The following DCC variants were observed in gnomAD, a reference collection of about 807,000 sequenced individuals.
DCC encodes netrin receptor DCC.
A neutral mutation model predicts 172.5 loss-of-function variants in DCC; 58 were observed. The ratio of observed to expected loss-of-function variants is 0.34; its 90% CI spans 0.27 to 0.42. The LOEUF is 0.42. Ranked by LOEUF, DCC falls within the 10% of genes least tolerant of loss-of-function variation. DCC has a pLI of 1.00. For missense variants in DCC, 1,740 were observed against 1,791.0 expected (o/e 0.97, Z 0.51); for synonymous variants, 709 against 644.5 (o/e 1.10, Z -1.52).
intron 2 of DCC, chr18:52,817,010 C>T (rs2038313102): frequency 6.6e-6 from 1 of 152,052 alleles, no homozygotes; most frequent in Admixed American, 6.6e-5. Context: ...TGTAGTTTAG[C>T]TACACTTAAA....
chr18:52,804,036 G>T (rs2038041989), intron 2 of DCC, among the ~76,000 whole-genome samples: 1 of 152,150 alleles, frequency 6.6e-6, no homozygotes, highest in African/African-American at 2.4e-5. Flanking sequence ...GATGTGTGTG[G>T]GTGCCAGTGG....
intron 12 of DCC, among the ~76,000 whole-genome samples, chr18:53,256,150 C>T (rs2056509836): frequency 6.6e-6 from 1 of 151,910 alleles, no homozygotes; most frequent in African/African-American, 2.4e-5. Context: ...AAATTTTCTT[C>T]CATTCTGTAG....
chr18:53,507,875 T>G (rs558595737), intron 27 of DCC, among the ~76,000 whole-genome samples: 1 of 151,768 alleles, frequency 6.6e-6, no homozygotes, highest in Non-Finnish European at 1.5e-5. Context: ...TGAGTAAGAA[T>G]TTTCTAACAG....
At chr18:52,938,461 A>C (rs182943382) in intron 5 of DCC, among the ~76,000 whole-genome samples, 112 of 152,246 alleles carry the variant, frequency 7.4e-4, no homozygotes, top group African/African-American at 2.5e-3. Context: ...AATATACACT[A>C]TTATTATTTA....
chr18:53,504,609 T>C (rs1285239776), intron 27 of DCC, among the ~76,000 whole-genome samples: 9 of 152,192 alleles, frequency 5.9e-5, no homozygotes, highest in African/African-American at 2.2e-4. Flanking sequence ...AAATTACCAT[T>C]GGTAAAATGT....
chr18:52,614,421 T>C (rs961242571), intron 1 of DCC, among the ~76,000 whole-genome samples: 2 of 152,194 alleles, frequency 1.3e-5, no homozygotes, highest in Non-Finnish European at 2.9e-5. Context: ...AAGAAATACT[T>C]TGTAGCCCAA....
Position 53,326,418 on chromosome 18 carries a change from C to A in DCC, c.2164+4261C>A, listed in dbSNP as rs8097595. ...CCTTCTCAATTTATTGATCCATGAT[C>A]ACTTTCAACTGTGATACTTCCTCAA... On this transcript the variant is annotated intron_variant, in intron 14 of 28. Coordinates refer to ENST00000442544, the MANE Select transcript of DCC (RefSeq NM_005215.4). Among the ~76,000 whole-genome samples the A allele has an allele frequency of 3.5e-3, 533 of 152,270 alleles. 3 individuals are homozygous for A. The highest frequency in any genetic ancestry group is 0.012 in the African/African-American group (515 of 41,558).
intron 7 of DCC, among the ~76,000 whole-genome samples, chr18:53,128,856 CACACACACACACACATATATATATAT>C (rs1340008305): frequency 1.5e-4 from 11 of 74,900 alleles, no homozygotes; most frequent in African/African-American, 5.7e-4. Flanking sequence ...CACACACACA[CACACACACACACACATATATATATAT>C]ATATATATAT....
chr18:52,575,183 T>G (rs1302047431), intron 1 of DCC, among the ~76,000 whole-genome samples: 1 of 152,182 alleles, frequency 6.6e-6, no homozygotes. Flanking sequence ...TCTGGACCAA[T>G]TCTATTTTAT....
chr18:52,372,348 C>T (rs1598870489), intron 1 of DCC, among the ~76,000 whole-genome samples: 1 of 152,150 alleles, frequency 6.6e-6, no homozygotes, highest in Non-Finnish European at 1.5e-5. Flanking sequence ...TGCAAAAACA[C>T]ATGTGCTCTG....
rs188839021 is a variant in DCC at position 53,033,129 on chromosome 18, A to C, written c.986-30176A>C. ...AAAGGGAATACAATGACTTATAGAA[A>C]TAAGAATGTTGTGGGTGAGGCAGAC... On this transcript the variant is annotated intron_variant, in intron 5 of 28. Transcript: ENST00000442544. Among the ~76,000 whole-genome samples, 700 of 152,212 alleles carry C rather than the reference A, an allele frequency of 4.6e-3. 4 individuals carry two copies. Among genetic ancestry groups the C allele is most frequent in the Non-Finnish European group, 7.4e-3 (504 of 68,010 alleles).
intron 1 of DCC, among the ~76,000 whole-genome samples, chr18:52,654,180 T>C (rs2035199536): frequency 6.6e-6 from 1 of 152,136 alleles, no homozygotes; most frequent in Non-Finnish European, 1.5e-5. Context: ...ATGAAGCCCT[T>C]GATAGGTATT....
intron 2 of DCC, among the ~76,000 whole-genome samples, chr18:52,769,733 C>T (rs77292380): frequency 0.034 from 5,212 of 152,168 alleles, 129 homozygotes; most frequent in Admixed American, 0.048. Flanking sequence ...ACATTTACAT[C>T]TGTGATTCAT....
At chr18:52,552,346 T>C (rs891008315) in intron 1 of DCC, among the ~76,000 whole-genome samples, 1 of 151,996 alleles carries the variant, frequency 6.6e-6, no homozygotes, top group Non-Finnish European at 1.5e-5. Flanking sequence ...TCCGGTACCA[T>C]TCAAAACCAT....
intron 1 of DCC, among the ~76,000 whole-genome samples, chr18:52,556,484 A>G (rs992016330): frequency 1.3e-5 from 2 of 152,134 alleles, no homozygotes; most frequent in African/African-American, 2.4e-5. Flanking sequence ...AGAACAAACC[A>G]CATTCTGTGC....
At chr18:52,769,720 T>C (rs1469590791) in intron 2 of DCC, among the ~76,000 whole-genome samples, 1 of 152,156 alleles carries the variant, frequency 6.6e-6, no homozygotes, top group Non-Finnish European at 1.5e-5. Flanking sequence ...AGTTTCATAT[T>C]TTACATTTAC....
At chr18:52,914,749 A>G (rs1354792653) in intron 3 of DCC, among the ~76,000 whole-genome samples, 1 of 152,146 alleles carries the variant, frequency 6.6e-6, no homozygotes, top group Non-Finnish European at 1.5e-5. Context: ...TGAATATTCT[A>G]AAACAGAACT....
At chr18:52,800,056 T>C (rs748609285) in intron 2 of DCC, among the ~76,000 whole-genome samples, 25 of 152,328 alleles carry the variant, frequency 1.6e-4, no homozygotes, top group Non-Finnish European at 3.1e-4. Context: ...GTTTAAATAA[T>C]TTTTCTAAAT....
chr18:52,522,026 A>G (rs1406592076), intron 1 of DCC, among the ~76,000 whole-genome samples: 1 of 152,196 alleles, frequency 6.6e-6, no homozygotes, highest in African/African-American at 2.4e-5. Flanking sequence ...AAAAAGAGCA[A>G]TGGAATAGAA....
Sources: allele counts gnomAD v4.1 joint callset (sites outside exome capture counted in the v4.1 genomes callset), GRCh38; gene constraint gnomAD v4.1.1; transcripts MANE v1.5; gene names NCBI Gene and HGNC (gene_info 2026-07-23, HGNC 2026-07-21).